CDKAL1: variants seen among roughly 807,000 people sequenced by gnomAD.
CDKAL1 encodes the protein CDKAL1 threonylcarbamoyladenosine tRNA methylthiotransferase.
CDKAL1 carries 32 observed loss-of-function variants against 68.2 expected under a neutral mutation model. That is an observed-to-expected ratio of 0.47 (90% CI 0.35 to 0.63). The LOEUF (loss-of-function observed/expected upper bound fraction) is 0.63, where lower values mean the gene tolerates loss of function less well. CDKAL1 is among the 30% of genes least tolerant of loss of function. The probability of loss-of-function intolerance (pLI) is 0.00; values close to 1 mark genes in which losing one functional copy is unlikely to be tolerated. For missense variants in CDKAL1, 606 were observed against 696.7 expected (o/e 0.87, Z 1.47); for synonymous variants, 234 against 244.3 (o/e 0.96, Z 0.39).
chr6:20,867,510 TA>T (rs60499914), intron 9 of CDKAL1, among the ~76,000 whole-genome samples: 7,385 of 152,286 alleles, frequency 0.048, 584 homozygotes, highest in African/African-American at 0.16. Context: ...AACTGCTTTA[TA>T]GTTGCAGCCC....
intron 4 of CDKAL1, among the ~76,000 whole-genome samples, chr6:20,551,681 A>G (rs1255323058): frequency 6.6e-6 from 1 of 152,082 alleles, no homozygotes; most frequent in East Asian, 1.9e-4. Context: ...AAAATACCTT[A>G]TGTTATTAAT....
intron 3 of CDKAL1, 34 bp downstream of exon 3, chr6:20,546,557 CT>C (rs770543179): frequency 2.4e-5 from 37 of 1,554,764 alleles, no homozygotes; most frequent in Middle Eastern, 1.8e-4. Context: ...TATTCATTTT[CT>C]TTTTTTTTCT....
chr6:20,902,369 T>C (rs1410395726), intron 9 of CDKAL1, among the ~76,000 whole-genome samples: 1 of 150,534 alleles, frequency 6.6e-6, no homozygotes, highest in African/African-American at 2.5e-5. Flanking sequence ...AATGTGTTTA[T>C]TGGGCCTTTA....
At chr6:20,673,378 C>T (rs566728580) in intron 5 of CDKAL1, among the ~76,000 whole-genome samples, 1 of 152,188 alleles carries the variant, frequency 6.6e-6, no homozygotes, top group African/African-American at 2.4e-5. Flanking sequence ...TTTAAATCAT[C>T]TCTGGATTAC....
In CDKAL1 at chr6:20,838,919, G is replaced by A. The variant is rs1255507639; in HGVS notation, c.639-7156G>A. Among the ~76,000 whole-genome samples, 4 of 150,920 alleles carry A rather than the reference G, an allele frequency of 2.7e-5. No homozygotes were observed. In the East Asian group the frequency reaches 5.8e-4, roughly 22 times the overall value. ...GAACCTGGGAGGCGGAGCTTGCAGT[G>A]AGCCCAGATCACACCACTGCACACC... On this transcript the variant is annotated intron_variant, in intron 8 of 15. Coordinates refer to ENST00000274695, the MANE Select transcript of CDKAL1 (RefSeq NM_017774.3).
rs576832370 is a variant in CDKAL1 at position 20,651,326 on chromosome 6, G to C, written c.371+1949G>C. Among the ~76,000 whole-genome samples, 4 of 152,224 alleles carry C rather than the reference G, an allele frequency of 2.6e-5. No homozygotes were observed. In the South Asian group the frequency reaches 6.2e-4, roughly 24 times the overall value. The stretch of plus-strand genomic sequence containing the variant: ...ATTCTTTTTGTGGCAATTGTAAATG[G>C]GAGTTCATTCATGATTTGGCTCTCA... On this transcript the variant is annotated intron_variant, in intron 5 of 15. Transcript: ENST00000274695.
At chr6:20,982,089 CAG>C (rs1221049695) in intron 10 of CDKAL1, among the ~76,000 whole-genome samples, 2 of 130,330 alleles carry the variant, frequency 1.5e-5, no homozygotes, top group African/African-American at 5.8e-5. Context: ...ATTTATGAGA[CAG>C]AGTGTGTCTC....
At chr6:20,544,368 C>T (rs556848831) in intron 2 of CDKAL1, among the ~76,000 whole-genome samples, 16 of 151,346 alleles carry the variant, frequency 1.1e-4, no homozygotes, top group East Asian at 2.0e-4. Flanking sequence ...GAGGCCGAGA[C>T]GGGCGGATCG....
intron 4 of CDKAL1, among the ~76,000 whole-genome samples, chr6:20,585,439 C>T (rs544608921): frequency 3.1e-4 from 47 of 152,174 alleles, no homozygotes; most frequent in African/African-American, 1.1e-3. Context: ...TTTTTTCTTT[C>T]TCTGTAATAG....
rs201230152 is a variant in CDKAL1, at chr6:21,095,951, T to TA, written c.1237-12449dup. ...ACCCCTGAAATGAATTTTAGACTCT[T>TA]ATTATTGGTATGATGGGGCAGAGAG... On this transcript the variant is annotated intron_variant, in intron 12 of 15. Transcript: ENST00000274695. Among the ~76,000 whole-genome samples the TA allele has an allele frequency of 5.0e-3, 754 of 152,304 alleles. 10 individuals carry two copies. The highest frequency in any genetic ancestry group is 0.017 in the African/African-American group (704 of 41,574).
At chr6:21,055,331 C>G (rs12661235) in intron 11 of CDKAL1, among the ~76,000 whole-genome samples, 28,976 of 151,972 alleles carry the variant, frequency 0.19, 2,877 homozygotes, top group Middle Eastern at 0.24. Context: ...ATTCTAATCT[C>G]TTCCTCTGAT....
At chr6:20,689,138 T>TTTTAAACA (rs1348038188) in intron 5 of CDKAL1, among the ~76,000 whole-genome samples, 1 of 152,114 alleles carries the variant, frequency 6.6e-6, no homozygotes, top group Non-Finnish European at 1.5e-5. Flanking sequence ...AGTACTCTGG[T>TTTTAAACA]GAGTTTCCAT....
intron 9 of CDKAL1, among the ~76,000 whole-genome samples, chr6:20,881,950 A>C (rs1266181649): frequency 6.6e-6 from 1 of 152,216 alleles, no homozygotes; most frequent in African/African-American, 2.4e-5. Flanking sequence ...TTATCGCTGC[A>C]AGTACTGGCA....
At chr6:20,915,710 A>G (rs1035622815) in intron 9 of CDKAL1, among the ~76,000 whole-genome samples, 2 of 152,214 alleles carry the variant, frequency 1.3e-5, no homozygotes, top group South Asian at 2.1e-4. Context: ...TATTTACACT[A>G]GAGAAATGAA....
chr6:20,790,825 G>A (rs976093174), intron 8 of CDKAL1, among the ~76,000 whole-genome samples: 1 of 152,164 alleles, frequency 6.6e-6, no homozygotes, highest in African/African-American at 2.4e-5. Context: ...TGTGTGTCTG[G>A]GTCTGGGGCT....
chr6:20,623,350 A>G (rs73732395), intron 4 of CDKAL1, among the ~76,000 whole-genome samples: 7,594 of 152,160 alleles, frequency 0.05, 582 homozygotes, highest in African/African-American at 0.17. Flanking sequence ...AGTTTATGCA[A>G]TGATTCATTT....
chr6:21,201,317 G>A (rs1778682851), intron 15 of CDKAL1, 43 bp downstream of exon 15: 3 of 1,528,472 alleles, frequency 2.0e-6, no homozygotes, highest in Non-Finnish European at 2.7e-6. Flanking sequence ...TAGTAAAACA[G>A]CAGCTGTGGA....
chr6:20,758,199 A>G (rs1249148464), intron 6 of CDKAL1, among the ~76,000 whole-genome samples: 2 of 152,162 alleles, frequency 1.3e-5, no homozygotes, highest in Admixed American at 1.3e-4. Flanking sequence ...GATCTCCTTA[A>G]TACTAGCATG....
chr6:20,613,738 CTAA>C (rs1766758247), intron 4 of CDKAL1, among the ~76,000 whole-genome samples: 1 of 150,962 alleles, frequency 6.6e-6, no homozygotes, highest in Non-Finnish European at 1.5e-5. Context: ...TTGGCTTTTG[CTAA>C]TAACAAAACT....
Sources: gnomAD v4.1 joint callset for allele counts (sites outside exome capture counted in the v4.1 genomes callset) on GRCh38, gnomAD v4.1.1 for gene constraint, MANE v1.5 for transcripts, NCBI Gene and HGNC (gene_info 2026-07-23, HGNC 2026-07-21) for gene names.